The following CAMK1D variants were observed in gnomAD, a reference collection of about 807,000 sequenced individuals.
CAMK1D encodes the protein calcium/calmodulin dependent protein kinase ID.
Under a neutral mutation model 47.7 loss-of-function variants are expected in CAMK1D, and 9 were observed. That is an observed-to-expected ratio of 0.19 (90% CI 0.11 to 0.33). CAMK1D has a LOEUF of 0.33. CAMK1D is among the 10% of genes least tolerant of loss of function. The probability of loss-of-function intolerance (pLI) is 1.00; values close to 1 mark genes in which losing one functional copy is unlikely to be tolerated. For missense variants in CAMK1D, 291 were observed against 488.7 expected, an observed-to-expected ratio of 0.60 and a Z score of 3.81; for synonymous variants, 184 against 184.9, an observed-to-expected ratio of 0.99 and a Z score of 0.04.
chr10:12,614,832 T>C (rs1838734243), intron 2 of CAMK1D, among the ~76,000 whole-genome samples: 1 of 152,210 alleles, frequency 6.6e-6, no homozygotes, highest in African/African-American at 2.4e-5. Context: ...TATCCTCTGA[T>C]TCTTTGAGTA....
chr10:12,723,916 T>C (rs1411465708), intron 3 of CAMK1D, among the ~76,000 whole-genome samples: 2 of 151,420 alleles, frequency 1.3e-5, no homozygotes, highest in Non-Finnish European at 2.9e-5. Context: ...CCACTCCCCC[T>C]ACCCCACAAC....
chr10:12,538,454 G>A (rs566804172), intron 1 of CAMK1D, among the ~76,000 whole-genome samples: 3 of 152,180 alleles, frequency 2.0e-5, no homozygotes, highest in Non-Finnish European at 4.4e-5. Context: ...AATGATCTGT[G>A]TATCCAGTTT....
chr10:12,620,458 A>G (rs766708493), intron 2 of CAMK1D, among the ~76,000 whole-genome samples: 39 of 152,268 alleles, frequency 2.6e-4, no homozygotes, highest in Admixed American at 5.2e-4. Context: ...GATTTTAGCT[A>G]TTCTCATAGG....
intron 3 of CAMK1D, among the ~76,000 whole-genome samples, chr10:12,748,531 G>A (rs1233344665): frequency 6.6e-6 from 1 of 152,168 alleles, no homozygotes; most frequent in Non-Finnish European, 1.5e-5. Flanking sequence ...TTTCTGGAAT[G>A]TGAATAAAAA....
chr10:12,431,100 T>C (rs1289310364), intron 1 of CAMK1D, among the ~76,000 whole-genome samples: 2 of 152,210 alleles, frequency 1.3e-5, no homozygotes, highest in African/African-American at 2.4e-5. Context: ...TATAATAAAT[T>C]AGGAGATGAG....
intron 2 of CAMK1D, among the ~76,000 whole-genome samples, chr10:12,624,953 C>T (rs965873628): frequency 6.6e-6 from 1 of 151,756 alleles, no homozygotes; most frequent in Non-Finnish European, 1.5e-5. Context: ...CCATTTCTTT[C>T]TTCCCCCTTC....
intron 1 of CAMK1D, among the ~76,000 whole-genome samples, chr10:12,476,826 G>A (rs1833916258): frequency 6.6e-6 from 1 of 152,110 alleles, no homozygotes; most frequent in Admixed American, 6.6e-5. Context: ...TTCTCAGCAG[G>A]CCTGCCCATC....
At chr10:12,364,537 A>T (rs543971576) in intron 1 of CAMK1D, among the ~76,000 whole-genome samples, 21 of 151,942 alleles carry the variant, frequency 1.4e-4, no homozygotes, top group African/African-American at 5.1e-4. Context: ...GCCACCACGC[A>T]TGGCCATCAT....
At chr10:12,765,759 G>A (rs58909798) in intron 4 of CAMK1D, among the ~76,000 whole-genome samples, 3,434 of 152,194 alleles carry the variant, frequency 0.023, 122 homozygotes, top group African/African-American at 0.065. Context: ...GTAGAGAGAG[G>A]GGTCCCAAGC....
intron 1 of CAMK1D, among the ~76,000 whole-genome samples, chr10:12,462,399 T>G (rs967798931): frequency 4.6e-5 from 7 of 151,894 alleles, no homozygotes; most frequent in Non-Finnish European, 7.4e-5. Flanking sequence ...CTCTTGACCT[T>G]GTGATCCGCC....
At chr10:12,818,348 G>A (rs927374614) in intron 8 of CAMK1D, among the ~76,000 whole-genome samples, 1 of 152,130 alleles carries the variant, frequency 6.6e-6, no homozygotes, top group Non-Finnish European at 1.5e-5. Flanking sequence ...ATAACCCTGT[G>A]AAGTTGTATT....
intron 1 of CAMK1D, among the ~76,000 whole-genome samples, chr10:12,525,473 A>G (rs2815647): frequency 0.55 from 83,824 of 151,850 alleles, 23,220 homozygotes; most frequent in South Asian, 0.69. Flanking sequence ...AGTTTGAGTC[A>G]TTTTGTTGTC....
intron 3 of CAMK1D, among the ~76,000 whole-genome samples, chr10:12,695,108 T>C (rs182655990): frequency 6.6e-6 from 1 of 151,728 alleles, no homozygotes; most frequent in Non-Finnish European, 1.5e-5. Flanking sequence ...GGTAGATTGA[T>C]CCTATTGGTT....
At chr10:12,462,533 C>T (rs1393721041) in intron 1 of CAMK1D, among the ~76,000 whole-genome samples, 1 of 151,640 alleles carries the variant, frequency 6.6e-6, no homozygotes, top group Non-Finnish European at 1.5e-5. Context: ...GTCTCAAGAC[C>T]ATCTAACAGA....
At chr10:12,804,528 C>T (rs1270391171) in intron 6 of CAMK1D, among the ~76,000 whole-genome samples, 2 of 151,980 alleles carry the variant, frequency 1.3e-5, no homozygotes, top group African/African-American at 4.8e-5. Context: ...TTGGGAGAAT[C>T]GCTTGAACTC....
At chr10:12,792,551 T>A (rs1838021028) in intron 6 of CAMK1D, among the ~76,000 whole-genome samples, 2 of 152,204 alleles carry the variant, frequency 1.3e-5, no homozygotes, top group Admixed American at 6.5e-5. Context: ...GTGTGTGGCA[T>A]CCTCTTCTCC....
chr10:12,527,760 C>T (rs962906755), intron 1 of CAMK1D, among the ~76,000 whole-genome samples: 9 of 152,174 alleles, frequency 5.9e-5, no homozygotes, highest in Non-Finnish European at 1.0e-4. Context: ...CTTCAACTTT[C>T]GACTTCACTG....
intron 3 of CAMK1D, among the ~76,000 whole-genome samples, chr10:12,728,045 C>T (rs917564146): frequency 4.6e-5 from 7 of 152,180 alleles, no homozygotes; most frequent in South Asian, 4.1e-4. Context: ...GGATTACAGG[C>T]GTGAGTCACA....
At position 12,550,398 on chromosome 10, in the gene CAMK1D, G is replaced by A. The variant is rs145062487; in HGVS notation, c.93-2827G>A. On this transcript the variant is annotated intron_variant, in intron 1 of 10. Coordinates refer to ENST00000619168, the MANE Select transcript of CAMK1D (RefSeq NM_153498.4). ...CCCGGAGGGTAGTGAGGGGGAACAC[G>A]TACCTCCTCATTCAGGGTCTTGACC... 1.5e-3 allele frequency among the ~76,000 whole-genome samples: 232 copies of A among 152,266 alleles called. 7 individuals are homozygous for A. The East Asian group carries it at 0.037, about 24-fold the overall frequency.
Sources: gnomAD v4.1 joint callset for allele counts (sites outside exome capture counted in the v4.1 genomes callset) on GRCh38, gnomAD v4.1.1 for gene constraint, MANE v1.5 for transcripts, NCBI Gene and HGNC (gene_info 2026-07-23, HGNC 2026-07-21) for gene names.